The following LRMDA variants were observed in gnomAD, a reference collection of about 807,000 sequenced individuals.
LRMDA encodes the protein leucine-rich melanocyte differentiation-associated protein.
A neutral mutation model predicts 29.8 loss-of-function variants in LRMDA; 18 were observed. That is an observed-to-expected ratio of 0.60 (90% confidence interval 0.42 to 0.90). The LOEUF is 0.90. Among genes scored for constraint, LRMDA ranks in the 40% least tolerant of loss-of-function variants. The pLI, the probability that LRMDA is intolerant of heterozygous loss-of-function variation, is 0.00. For synonymous variants in LRMDA, 125 were observed against 109.4 expected (o/e 1.14, Z -0.89); for missense variants, 273 against 273.9 (o/e 1.00, Z 0.02).
rs1454682849 is a variant in LRMDA at position 75,579,100 on chromosome 10, A to T, written c.131+140606A>T. Among the ~76,000 whole-genome samples the T allele has an allele frequency of 2.0e-5, 3 of 152,332 alleles. No individual in the cohort carries two copies. In the East Asian group the frequency reaches 5.8e-4, roughly 29 times the overall value. ...CAGAACTGAAGGAGATAGAGACACG[A>T]AAAACCCTTCAAAAAAATCAATGAA... On this transcript the variant is annotated intron_variant, in intron 2 of 6. Transcript: ENST00000611255.
chr10:75,979,007 T>C (rs977895112), intron 2 of LRMDA, among the ~76,000 whole-genome samples: 1 of 152,216 alleles, frequency 6.6e-6, no homozygotes, highest in African/African-American at 2.4e-5. Context: ...CCTTGGACTT[T>C]CCATGCATCA....
chr10:75,718,125 T>A (rs1178919943), intron 2 of LRMDA, among the ~76,000 whole-genome samples: 3 of 152,222 alleles, frequency 2.0e-5, no homozygotes, highest in African/African-American at 7.2e-5. Context: ...TTTGCACCAT[T>A]TACTATCTAT....
intron 5 of LRMDA, among the ~76,000 whole-genome samples, chr10:76,074,572 T>C (rs1848927494): frequency 6.6e-6 from 1 of 152,082 alleles, no homozygotes. Context: ...TTAGCCTATA[T>C]AGGGAGGAGG....
chr10:75,593,828 C>T (rs1479769026), intron 2 of LRMDA, among the ~76,000 whole-genome samples: 2 of 152,184 alleles, frequency 1.3e-5, no homozygotes, highest in Non-Finnish European at 2.9e-5. Context: ...CAAGCCATGC[C>T]TGGACTCTCG....
intron 5 of LRMDA, among the ~76,000 whole-genome samples, chr10:76,192,814 T>C (rs962905762): frequency 6.6e-6 from 1 of 152,200 alleles, no homozygotes; most frequent in African/African-American, 2.4e-5. Flanking sequence ...CTCTCTCTAG[T>C]CTATTACCCT....
intron 6 of LRMDA, among the ~76,000 whole-genome samples, chr10:76,351,559 C>T (rs1237076389): frequency 2.6e-5 from 4 of 151,992 alleles, no homozygotes. Context: ...CTTTGGTTTC[C>T]CATTCACCAA....
At chr10:76,235,288 A>C (rs1297123103) in intron 5 of LRMDA, among the ~76,000 whole-genome samples, 1 of 152,190 alleles carries the variant, frequency 6.6e-6, no homozygotes, top group African/African-American at 2.4e-5. Context: ...TGGTACCCCA[A>C]AACAATTAGG....
At chr10:76,522,851 A>T (rs570967626) in intron 6 of LRMDA, among the ~76,000 whole-genome samples, 22 of 152,092 alleles carry the variant, frequency 1.4e-4, no homozygotes, top group African/African-American at 4.8e-4. Context: ...GCTCCCTTTT[A>T]TCCTTAGTTG....
intron 2 of LRMDA, among the ~76,000 whole-genome samples, chr10:75,916,801 C>G (rs1382516255): frequency 6.6e-6 from 1 of 152,116 alleles, no homozygotes; most frequent in Non-Finnish European, 1.5e-5. Flanking sequence ...TTTTTTATTA[C>G]AATACATTAT....
chr10:75,850,217 C>G (rs1371648143), intron 2 of LRMDA, among the ~76,000 whole-genome samples: 1 of 152,166 alleles, frequency 6.6e-6, no homozygotes, highest in Admixed American at 6.5e-5. Context: ...AAAGCGGTCT[C>G]TCAATTGGGA....
At chr10:76,225,285 C>T (rs1851930365) in intron 5 of LRMDA, among the ~76,000 whole-genome samples, 1 of 152,014 alleles carries the variant, frequency 6.6e-6, no homozygotes, top group Admixed American at 6.6e-5. Context: ...GTGGTGGGCG[C>T]CTGTAATCCC....
chr10:76,479,804 A>T (rs941764698), intron 6 of LRMDA, among the ~76,000 whole-genome samples: 5 of 151,914 alleles, frequency 3.3e-5, no homozygotes, highest in Admixed American at 3.3e-4. Context: ...CCTGAGACTG[A>T]TAATATACCC....
intron 5 of LRMDA, among the ~76,000 whole-genome samples, chr10:76,246,033 C>T (rs1852369279): frequency 6.6e-6 from 1 of 152,192 alleles, no homozygotes; most frequent in Non-Finnish European, 1.5e-5. Context: ...TCAATTGTCA[C>T]CATGATCCCA....
chr10:75,562,102 C>T (rs1214413536), intron 2 of LRMDA, among the ~76,000 whole-genome samples: 3 of 151,864 alleles, frequency 2.0e-5, no homozygotes, highest in African/African-American at 4.8e-5. Flanking sequence ...CTTTCTGTCT[C>T]GTTGATCTGT....
chr10:75,821,020 A>G (rs528164296), intron 2 of LRMDA, among the ~76,000 whole-genome samples: 1 of 152,188 alleles, frequency 6.6e-6, no homozygotes, highest in South Asian at 2.1e-4. Flanking sequence ...GTAATAAAAA[A>G]CCCTCTAACA....
chr10:76,558,878 T>A lies in LRMDA; in HGVS notation c.*1590T>A, dbSNP rs752507868. The A allele has an allele frequency of 3.9e-5, 6 of 152,258 alleles. No individual in the cohort carries two copies. The highest frequency in any genetic ancestry group is 7.3e-5 in the Non-Finnish European group (5 of 68,046). The allele number at this position is 152,258 out of a possible 1,614,324, so 9.4% of individuals were successfully genotyped here. A position where few individuals can be genotyped will look rare whatever the true frequency, so the allele number is the denominator to read the frequency against. On this transcript the variant is annotated 3_prime_UTR_variant, in exon 7 of 7. Coordinates refer to ENST00000611255, the MANE Select transcript of LRMDA (RefSeq NM_001305581.2). The stretch of plus-strand genomic sequence containing the variant: ...TTTGTTAATCAGTTCTTTAGACAAG[T>A]TAACATTAAAATCCTCAAAACCATG...
At chr10:76,369,718 C>A (rs1841431154) in intron 6 of LRMDA, among the ~76,000 whole-genome samples, 1 of 151,950 alleles carries the variant, frequency 6.6e-6, no homozygotes, top group Admixed American at 6.6e-5. Flanking sequence ...CCAGGGAAAA[C>A]CTGGACATTT....
rs1218743181 is a variant in LRMDA at position 76,363,276 on chromosome 10, A to AAGGAAGG, written c.601+38792_601+38793insGGAAGGA. Among the ~76,000 whole-genome samples the AAGGAAGG allele has an allele frequency of 1.4e-3, 82 of 58,832 alleles. 6 individuals are homozygous for AAGGAAGG. The highest frequency in any genetic ancestry group is 2.0e-3 in the African/African-American group (24 of 11,758). The allele number at this position is 58,832 out of a possible 152,430, so 38.6% of individuals were successfully genotyped here. A position where few individuals can be genotyped will look rare whatever the true frequency, so the allele number is the denominator to read the frequency against. On this transcript the variant is annotated intron_variant, in intron 6 of 6. Coordinates refer to ENST00000611255, the MANE Select transcript of LRMDA (RefSeq NM_001305581.2). ...GAAAGAAGGAAGGAAGGAAGGAAGGAAAGGAAGGAAGGAAGGAAGGAAGGG... is the reference window on the plus strand; with the variant it reads ...GAAAGAAGGAAGGAAGGAAGGAAGGAAGGAAGGAAGGAAGGAAGGAAGGAAGGAAGGG...
At chr10:76,548,027 C>T (rs371125423) in intron 6 of LRMDA, among the ~76,000 whole-genome samples, 9 of 152,202 alleles carry the variant, frequency 5.9e-5, no homozygotes, top group Admixed American at 2.6e-4. Context: ...TCCGGAGACC[C>T]CTGGTTCCTG....
Sources: allele counts gnomAD v4.1 joint callset (sites outside exome capture counted in the v4.1 genomes callset), GRCh38; gene constraint gnomAD v4.1.1; transcripts MANE v1.5; gene names NCBI Gene and HGNC (gene_info 2026-07-23, HGNC 2026-07-21).